Variants in RAI14 observed in about 807,000 individuals in gnomAD.
RAI14 encodes retinoic acid induced 14, also known as ankycorbin.
RAI14 carries 45 observed loss-of-function variants against 115.4 expected under a neutral mutation model. That is an observed-to-expected ratio of 0.39 (90% CI 0.31 to 0.50). The LOEUF (loss-of-function observed/expected upper bound fraction) is 0.50. Among genes scored for constraint, RAI14 ranks in the 20% least tolerant of loss-of-function variants. The pLI is 0.85. For missense variants in RAI14, 939 were observed against 1,131.2 expected (o/e 0.83, Z 2.44); for synonymous variants, 371 against 415.4 (o/e 0.89, Z 1.30).
At chr5:34,759,450 A>G (rs1284526316) in intron 3 of RAI14, among the ~76,000 whole-genome samples, 2 of 152,146 alleles carry the variant, frequency 1.3e-5, no homozygotes, top group Non-Finnish European at 2.9e-5. Context: ...TCGCATTACT[A>G]TCTGAGCTCC....
chr5:34,807,705 A>G, intron 5 of RAI14, 95 bp from the exon 6 acceptor site: 1 of 967,196 alleles, frequency 1.0e-6, no homozygotes, highest in Non-Finnish European at 1.7e-6. Context: ...TAGTCTTCCT[A>G]ATAAGTCACA....
chr5:34,715,619 C>T (rs1288150896), intron 2 of RAI14, among the ~76,000 whole-genome samples: 3 of 152,156 alleles, frequency 2.0e-5, no homozygotes, highest in Admixed American at 2.0e-4. Flanking sequence ...CTGACACCTC[C>T]CACCCCTCGA....
intron 2 of RAI14, among the ~76,000 whole-genome samples, chr5:34,734,835 AT>A (rs981946690): frequency 2.6e-5 from 4 of 151,924 alleles, no homozygotes; most frequent in Non-Finnish European, 4.4e-5. Flanking sequence ...TAATTTTTGT[AT>A]TTTTAGAAGA....
chr5:34,783,965 T>C (rs1288270576), intron 3 of RAI14, among the ~76,000 whole-genome samples: 4 of 152,198 alleles, frequency 2.6e-5, no homozygotes, highest in African/African-American at 9.6e-5. Flanking sequence ...CACACATACA[T>C]GTACATAAGC....
At chr5:34,752,580 G>A (rs538999930) in intron 2 of RAI14, among the ~76,000 whole-genome samples, 1 of 151,980 alleles carries the variant, frequency 6.6e-6, no homozygotes, top group Non-Finnish European at 1.5e-5. Flanking sequence ...CGCGGGGCTT[G>A]AGCTAGGCTT....
intron 5 of RAI14, among the ~76,000 whole-genome samples, chr5:34,804,312 T>C (rs771432924): frequency 3.9e-5 from 6 of 152,234 alleles, no homozygotes; most frequent in Non-Finnish European, 8.8e-5. Flanking sequence ...TTCAATAATC[T>C]TGCCAGGAAG....
At position 34,780,254 on chromosome 5, in the gene RAI14, T is replaced by A. The variant is rs1751439421; in HGVS notation, c.168-15685T>A. On this transcript the variant is annotated intron_variant, in intron 3 of 17. Coordinates refer to ENST00000265109, the MANE Select transcript of RAI14 (RefSeq NM_015577.3). ...GGATTAAAGACTTAAATGTTAGACC[T>A]AAAACCATAAAAACCCTAGAAGAAA... 2.0e-5 allele frequency among the ~76,000 whole-genome samples: 3 copies of A among 152,258 alleles called. No individual in the cohort carries two copies. The South Asian group carries it at 6.2e-4, about 32-fold the overall frequency.
At chr5:34,700,719 A>G (rs992624478) in intron 2 of RAI14, among the ~76,000 whole-genome samples, 1 of 152,216 alleles carries the variant, frequency 6.6e-6, no homozygotes, top group African/African-American at 2.4e-5. Context: ...TGTGAAATTA[A>G]CAAGTATCAT....
intron 3 of RAI14, among the ~76,000 whole-genome samples, chr5:34,777,616 C>T (rs1435387408): frequency 1.3e-5 from 2 of 152,050 alleles, no homozygotes; most frequent in African/African-American, 4.8e-5. Context: ...TCTGTCTCTA[C>T]TAAAAATACA....
chr5:34,726,643 G>A (rs189224930), intron 2 of RAI14, among the ~76,000 whole-genome samples: 4 of 152,276 alleles, frequency 2.6e-5, no homozygotes, highest in Admixed American at 2.0e-4. Flanking sequence ...GGAGGGACCT[G>A]GTGGGAGGTA....
intron 3 of RAI14, among the ~76,000 whole-genome samples, chr5:34,788,199 G>A (rs967612581): frequency 3.9e-5 from 6 of 152,018 alleles, no homozygotes; most frequent in African/African-American, 1.2e-4. Flanking sequence ...GATTGCAGGT[G>A]TGAGCCACCA....
chr5:34,819,948 T>C (rs1056898796), intron 13 of RAI14, among the ~76,000 whole-genome samples: 2 of 152,174 alleles, frequency 1.3e-5, no homozygotes, highest in African/African-American at 4.8e-5. Context: ...TCAATGTTAA[T>C]ATAACTAAAC....
chr5:34,769,914 G>C (rs757097991), intron 3 of RAI14, among the ~76,000 whole-genome samples: 1 of 152,118 alleles, frequency 6.6e-6, no homozygotes, highest in African/African-American at 2.4e-5. Flanking sequence ...TTTTAGTAGA[G>C]ATGTGGGTTT....
chr5:34,725,642 T>G (rs1314949361), intron 2 of RAI14, among the ~76,000 whole-genome samples: 1 of 151,876 alleles, frequency 6.6e-6, no homozygotes, highest in Non-Finnish European at 1.5e-5. Context: ...ACATGAAGAA[T>G]ACGTCACCGA....
intron 3 of RAI14, among the ~76,000 whole-genome samples, chr5:34,786,364 T>C (rs1241943965): frequency 1.3e-5 from 2 of 152,186 alleles, no homozygotes; most frequent in Non-Finnish European, 2.9e-5. Context: ...TTTTGCCCAG[T>C]GTCCTCTGGA....
chr5:34,679,982 G>A (rs901728292), intron 1 of RAI14, among the ~76,000 whole-genome samples: 8 of 152,142 alleles, frequency 5.3e-5, no homozygotes, highest in African/African-American at 7.2e-5. Context: ...TTTGTTCTGC[G>A]TGTTCACCTG....
At chr5:34,698,792 A>T (rs1382079981) in intron 2 of RAI14, among the ~76,000 whole-genome samples, 1 of 152,146 alleles carries the variant, frequency 6.6e-6, no homozygotes, top group Non-Finnish European at 1.5e-5. Flanking sequence ...AGTTGATTAC[A>T]TTTTCACTGT....
rs1361406523 is a variant in RAI14, at chr5:34,826,462, C to T, written c.2782C>T (p.Leu928Phe). 2.5e-6 allele frequency: 4 copies of T among 1,613,544 alleles called. No homozygotes were observed. The East Asian group carries it at 6.7e-5, about 27-fold the overall frequency. ...GGCGCTGCAGCAGCAAGTCAAACAG[C>T]TCCAGAACCAGCTGGCGGTGAGTGG... ...LEALQQQVKQLQNQLAECKKQ... is the reference protein window; with the variant it reads ...LEALQQQVKQFQNQLAECKKQ... The change falls in exon 16 of 18, where the codon CTC becomes TTC. Residue 928 changes from leucine to phenylalanine, a missense_variant. Coordinates refer to ENST00000265109, the MANE Select transcript of RAI14 (RefSeq NM_015577.3).
intron 2 of RAI14, among the ~76,000 whole-genome samples, chr5:34,747,275 T>C (rs958224330): frequency 7.2e-5 from 11 of 152,232 alleles, no homozygotes; most frequent in Non-Finnish European, 1.6e-4. Context: ...ACCTACCTCA[T>C]AGGGTTATTG....
Sources: allele counts gnomAD v4.1 joint callset (sites outside exome capture counted in the v4.1 genomes callset), GRCh38; gene constraint gnomAD v4.1.1; transcripts MANE v1.5; gene names NCBI Gene and HGNC (gene_info 2026-07-23, HGNC 2026-07-21).